The following HFM1 variants were observed in gnomAD, a reference collection of about 807,000 sequenced individuals.
HFM1 encodes helicase for meiosis 1.
A neutral mutation model predicts 192.1 loss-of-function variants in HFM1; 169 were observed. The ratio of observed to expected loss-of-function variants is 0.88; its 90% CI spans 0.78 to 1.00. HFM1 has a LOEUF of 1.00. Ranked by LOEUF, HFM1 falls within the 50% of genes least tolerant of loss-of-function variation. The pLI is 0.00. For missense variants in HFM1, 1,661 were observed against 1,668.0 expected (o/e 1.00, Z 0.07); for synonymous variants, 525 against 537.8 (o/e 0.98, Z 0.33).
At chr1:91,284,542 T>C (rs1667763551) in intron 30 of HFM1, among the ~76,000 whole-genome samples, 2 of 152,140 alleles carry the variant, frequency 1.3e-5, no homozygotes, top group Non-Finnish European at 2.9e-5. Flanking sequence ...TGTGAGCCAC[T>C]GTACCTAGCT....
intron 33 of HFM1, among the ~76,000 whole-genome samples, chr1:91,274,391 G>C (rs1277282209): frequency 2.0e-5 from 3 of 151,974 alleles, no homozygotes; most frequent in Non-Finnish European, 4.4e-5. Context: ...AAATGGAAAG[G>C]TTAGACTGTA....
chr1:91,274,726 G>A lies in HFM1; in HGVS notation c.3668+4C>T, dbSNP rs777239338. Reference sequence around the variant, plus strand: ...TACCTTAGATATTAACATTATATTTGTACCTTGATATACTAGGAAGGGAAG... The same window carrying A: ...TACCTTAGATATTAACATTATATTTATACCTTGATATACTAGGAAGGGAAG... On this transcript the variant is annotated splice_donor_region_variant and intron_variant, in intron 33 of 38. Coordinates refer to ENST00000370425, the MANE Select transcript of HFM1 (RefSeq NM_001017975.6). 2.1e-6 allele frequency: 3 copies of A among 1,400,316 alleles called. No individual in the cohort carries two copies. Among genetic ancestry groups the A allele is most frequent in the African/African-American group, 1.4e-5 (1 of 70,448 alleles). 86.7% of individuals were successfully genotyped at this position (1,400,316 alleles called of 1,614,324 possible). A position where few individuals can be genotyped will look rare whatever the true frequency, so the allele number is the denominator to read the frequency against.
intron 13 of HFM1, among the ~76,000 whole-genome samples, chr1:91,374,867 G>A (rs567661094): frequency 6.6e-6 from 1 of 152,230 alleles, no homozygotes; most frequent in South Asian, 2.1e-4. Flanking sequence ...ACACCTAAGA[G>A]TGTGGCATTA....
At chr1:91,367,346 G>A (rs1413571297) in intron 13 of HFM1, among the ~76,000 whole-genome samples, 4 of 152,158 alleles carry the variant, frequency 2.6e-5, no homozygotes, top group African/African-American at 9.7e-5. Flanking sequence ...TAACTGAGAG[G>A]CACCGACCAG....
intron 30 of HFM1, among the ~76,000 whole-genome samples, chr1:91,295,748 T>C (rs1441059536): frequency 1.3e-5 from 2 of 152,176 alleles, no homozygotes; most frequent in Non-Finnish European, 2.9e-5. Flanking sequence ...GTCAAATTCA[T>C]TATGTTTTTA....
At position 91,323,096 on chromosome 1, in the gene HFM1, A is replaced by G; in HGVS notation, c.2531T>C (p.Ile844Thr). 1 of 1,512,666 alleles carries G rather than the reference A, an allele frequency of 6.6e-7. No homozygotes were observed. The highest frequency in any genetic ancestry group is 9.1e-7 in the Non-Finnish European group (1 of 1,098,934). 93.7% of individuals were successfully genotyped at this position (1,512,666 alleles called of 1,614,324 possible). The change falls in exon 22 of 39, where the codon ATC (isoleucine) becomes ACC (threonine). Residue 844 changes from isoleucine to threonine, a missense_variant. Transcript: ENST00000370425. The part of the protein sequence containing the change: ...TLNKDPNRIT[I>T]RFPMEGRIKT... The stretch of plus-strand genomic sequence containing the variant: ...AAAACATATGTAATTTCTGTACCTG[A>G]TAGTTATCCGATTTGGATCTTTGTT...
intron 21 of HFM1, 46 bp from the exon 22 acceptor site, chr1:91,323,245 T>C (rs772729203): frequency 1.0e-6 from 1 of 985,534 alleles, no homozygotes; most frequent in Non-Finnish European, 1.6e-6. Flanking sequence ...CTATTTTTTA[T>C]TTCCTCTCAT....
chr1:91,319,314 G>A lies in HFM1; in HGVS notation c.2659C>T (p.His887Tyr). 3 of 1,610,742 alleles carry A rather than the reference G, an allele frequency of 1.9e-6. No homozygotes were observed. Among genetic ancestry groups the A allele is most frequent in the Non-Finnish European group, 8.5e-7 (1 of 1,177,006 alleles). ...LTQDTAKIFR[H>Y]GSRITRWLSD... ...ATACATCTTGTAATTCGGGAGCCAT[G>A]TCTGAAAATCTTTGCGGTATCTTGT... The change falls in exon 24 of 39, where the codon CAT becomes TAT. Residue 887 changes from histidine (H) to tyrosine (Y), a missense_variant. Coordinates refer to ENST00000370425, the MANE Select transcript of HFM1 (RefSeq NM_001017975.6).
At chr1:91,264,239 A>C (rs1000482722) in intron 36 of HFM1, among the ~76,000 whole-genome samples, 2 of 152,106 alleles carry the variant, frequency 1.3e-5, no homozygotes, top group Non-Finnish European at 2.9e-5. Context: ...GGGAGACTAA[A>C]CAATACCAAA....
chr1:91,291,001 A>C (rs1668676552), intron 30 of HFM1, among the ~76,000 whole-genome samples: 1 of 152,224 alleles, frequency 6.6e-6, no homozygotes, highest in Non-Finnish European at 1.5e-5. Context: ...CTTTGAAACC[A>C]ACGAGAACGA....
At chr1:91,370,578 A>G (rs1409820583) in intron 13 of HFM1, among the ~76,000 whole-genome samples, 1 of 152,218 alleles carries the variant, frequency 6.6e-6, no homozygotes, top group Non-Finnish European at 1.5e-5. Flanking sequence ...TTAGGTATTG[A>G]TTGGATGTAT....
chr1:91,384,092 T>G (rs1428864577), intron 6 of HFM1, among the ~76,000 whole-genome samples: 2 of 152,234 alleles, frequency 1.3e-5, no homozygotes, highest in South Asian at 2.1e-4. Flanking sequence ...TAATCATATC[T>G]GTCACTTTAG....
At chr1:91,337,963 T>G (rs1222873268) in intron 20 of HFM1, among the ~76,000 whole-genome samples, 1 of 152,052 alleles carries the variant, frequency 6.6e-6, no homozygotes, top group African/African-American at 2.4e-5. Flanking sequence ...AAGCAGATCT[T>G]CAGAAGGAAG....
intron 1 of HFM1, among the ~76,000 whole-genome samples, chr1:91,401,685 A>T (rs1018355010): frequency 6.6e-6 from 1 of 152,190 alleles, no homozygotes; most frequent in Non-Finnish European, 1.5e-5. Context: ...GTTCATTATA[A>T]TATTTTTTCA....
intron 13 of HFM1, among the ~76,000 whole-genome samples, chr1:91,357,780 T>C (rs1657946543): frequency 6.6e-6 from 1 of 152,152 alleles, no homozygotes; most frequent in African/African-American, 2.4e-5. Context: ...TATACAGAGA[T>C]TAGTAGCATT....
At chr1:91,363,245 A>C (rs1281931604) in intron 13 of HFM1, among the ~76,000 whole-genome samples, 2 of 152,166 alleles carry the variant, frequency 1.3e-5, no homozygotes, top group East Asian at 3.8e-4. Context: ...GTAAATAGAC[A>C]ACCCACAGAA....
intron 30 of HFM1, among the ~76,000 whole-genome samples, chr1:91,277,942 ATAT>A (rs2100796094): frequency 2.0e-5 from 2 of 100,630 alleles, no homozygotes; most frequent in Middle Eastern, 0.012. Context: ...TATACTTTAT[ATAT>A]TATATTTTAT....
intron 30 of HFM1, among the ~76,000 whole-genome samples, chr1:91,285,506 G>T (rs114916456): frequency 1.1e-4 from 17 of 152,282 alleles, no homozygotes; most frequent in Non-Finnish European, 2.4e-4. Context: ...CACAGCCTTA[G>T]TAGGGTAATC....
intron 8 of HFM1, 69 bp downstream of exon 8, chr1:91,380,033 TTA>T: frequency 5.7e-6 from 4 of 707,126 alleles, no homozygotes; most frequent in Non-Finnish European, 4.3e-6. Context: ...GAAACTGAAT[TTA>T]TTTCTTCATT....
Sources: gnomAD v4.1 joint callset for allele counts (sites outside exome capture counted in the v4.1 genomes callset) on GRCh38, gnomAD v4.1.1 for gene constraint, MANE v1.5 for transcripts, NCBI Gene and HGNC (gene_info 2026-07-23, HGNC 2026-07-21) for gene names.